The following GLP2R variants were observed in gnomAD, a reference collection of about 807,000 sequenced individuals.
GLP2R encodes the protein glucagon-like peptide 2 receptor.
GLP2R carries 59 observed loss-of-function variants against 68.2 expected under a neutral mutation model. The ratio of observed to expected loss-of-function variants is 0.87; its 90% CI spans 0.70 to 1.07. The LOEUF (loss-of-function observed/expected upper bound fraction) is 1.07, where lower values mean the gene tolerates loss of function less well. Among genes scored for constraint, GLP2R ranks in the 50% least tolerant of loss-of-function variants. GLP2R has a pLI of 0.00. For missense variants in GLP2R, 548 were observed against 677.4 expected, an observed-to-expected ratio of 0.81 and a Z score of 2.12; for synonymous variants, 270 against 265.4, an observed-to-expected ratio of 1.02 and a Z score of -0.17.
intron 11 of GLP2R, among the ~76,000 whole-genome samples, chr17:9,887,301 C>T (rs1030999690): frequency 2.6e-5 from 4 of 151,556 alleles, no homozygotes; most frequent in South Asian, 2.1e-4. Context: ...CCAAGGCAGG[C>T]GGGTCACCTG....
chr17:9,836,125 A>G (rs1020522021), intron 2 of GLP2R, among the ~76,000 whole-genome samples: 4 of 152,122 alleles, frequency 2.6e-5, no homozygotes, highest in Admixed American at 1.3e-4. Flanking sequence ...CATTGACGTA[A>G]TTGACCGGAG....
intron 10 of GLP2R, among the ~76,000 whole-genome samples, chr17:9,871,228 C>A (rs895212724): frequency 5.3e-5 from 8 of 151,656 alleles, no homozygotes; most frequent in African/African-American, 1.7e-4. Context: ...GTTAGCCAGG[C>A]GTGGTGCATG....
chr17:9,856,735 G>A (rs1174302502), intron 5 of GLP2R, among the ~76,000 whole-genome samples: 2 of 152,156 alleles, frequency 1.3e-5, no homozygotes, highest in Admixed American at 6.5e-5. Context: ...CCAACTCTGC[G>A]ACTTACTGCT....
intron 5 of GLP2R, among the ~76,000 whole-genome samples, chr17:9,856,847 A>G (rs1234980708): frequency 2.6e-5 from 4 of 152,230 alleles, no homozygotes; most frequent in African/African-American, 9.6e-5. Context: ...GTAAGGAGTA[A>G]GAATACTCAA....
rs758450885 is a variant in GLP2R at position 9,865,807 on chromosome 17, C to T, written c.1056+3717C>T. On this transcript the variant is annotated intron_variant, in intron 9 of 12. Coordinates refer to ENST00000262441, the MANE Select transcript of GLP2R (RefSeq NM_004246.3). Reference sequence around the variant, plus strand: ...CCCTCAGCTCTTAGAGAGGACATTGCTTAACTATTGTTGTCTGTGTCTACA... The same window carrying T: ...CCCTCAGCTCTTAGAGAGGACATTGTTTAACTATTGTTGTCTGTGTCTACA... 1.2e-4 allele frequency: 58 copies of T among 470,954 alleles called. No homozygotes were observed. The Admixed American group carries it at 1.3e-3, about 11-fold the overall frequency. The allele number at this position is 470,954 out of a possible 1,614,324, so 29.2% of individuals were successfully genotyped here.
chr17:9,879,281 TAAAATAAAATAAATAAAATA>T (rs1393478891), intron 10 of GLP2R, among the ~76,000 whole-genome samples: 10 of 26,210 alleles, frequency 3.8e-4, no homozygotes, highest in East Asian at 1.3e-3. Flanking sequence ...TAAAATAAAA[TAAAATAAAATAAATAAAATA>T]AAATAAAATA....
At chr17:9,863,951 A>G (rs1258215622) in intron 9 of GLP2R, among the ~76,000 whole-genome samples, 1 of 152,180 alleles carries the variant, frequency 6.6e-6, no homozygotes, top group East Asian at 1.9e-4. Context: ...GGTTCTTGCT[A>G]ACCAGGTAGA....
rs138236714 is a variant in GLP2R at position 9,888,605 on chromosome 17, T to G, written c.1326+632T>G. Among the ~76,000 whole-genome samples, 1,372 of 152,302 alleles carry G rather than the reference T, an allele frequency of 9.0e-3. 16 individuals carry two copies. The highest frequency in any genetic ancestry group is 0.031 in the African/African-American group (1,288 of 41,558). On this transcript the variant is annotated intron_variant, in intron 12 of 12. Coordinates refer to ENST00000262441, the MANE Select transcript of GLP2R (RefSeq NM_004246.3). ...CCTCAGCCTCCTGAGTAGCTGGGAT[T>G]ACAGGTGCCCACCACCACACTCAGC... is the stretch of plus-strand genomic sequence containing the variant.
At chr17:9,835,645 C>T (rs1227067799) in intron 2 of GLP2R, among the ~76,000 whole-genome samples, 1 of 152,064 alleles carries the variant, frequency 6.6e-6, no homozygotes. Flanking sequence ...GCCCTGGGAT[C>T]TAATTGGTGA....
At chr17:9,859,122 G>A (rs930986329) in intron 6 of GLP2R, among the ~76,000 whole-genome samples, 9 of 152,024 alleles carry the variant, frequency 5.9e-5, no homozygotes, top group African/African-American at 2.2e-4. Context: ...TATTATATAA[G>A]GTTTGGTATT....
In GLP2R at chr17:9,853,279, G is replaced by A. The variant is rs533599088; in HGVS notation, c.505-1216G>A. 19 of 275,476 alleles carry A rather than the reference G, an allele frequency of 6.9e-5. 1 individual carries two copies. Among genetic ancestry groups the A allele is most frequent in the Middle Eastern group, 2.8e-3 (2 of 704 alleles). The allele number at this position is 275,476 out of a possible 1,614,324, so 17.1% of individuals were successfully genotyped here. ...AAACATAGTTCTGGGGCCTCCGGGG[G>A]CTCATGTCCATCTCCATCGAGTCCT... On this transcript the variant is annotated intron_variant, in intron 4 of 12. Coordinates refer to ENST00000262441, the MANE Select transcript of GLP2R (RefSeq NM_004246.3).
intron 9 of GLP2R, among the ~76,000 whole-genome samples, chr17:9,867,446 G>T (rs1378076024): frequency 5.3e-5 from 8 of 152,238 alleles, no homozygotes; most frequent in African/African-American, 1.9e-4. Flanking sequence ...GCAACCTGAA[G>T]AATCCAGATG....
chr17:9,832,519 G>A lies in GLP2R; in HGVS notation c.190-1288G>A, dbSNP rs148511540. ...GGAGGTTGCAGTGAGCTGAGATAAC[G>A]CCACTGCACTCCAGCCTGGGTGACA... is the stretch of plus-strand genomic sequence containing the variant. On this transcript the variant is annotated intron_variant, in intron 1 of 12. Coordinates refer to ENST00000262441, the MANE Select transcript of GLP2R (RefSeq NM_004246.3). Among the ~76,000 whole-genome samples, 269 of 152,030 alleles carry A rather than the reference G, an allele frequency of 1.8e-3. 2 individuals carry two copies. The highest frequency in any genetic ancestry group is 4.9e-3 in the Admixed American group (75 of 15,276).
intron 3 of GLP2R, among the ~76,000 whole-genome samples, chr17:9,838,439 G>C (rs962084186): frequency 1.3e-5 from 2 of 152,112 alleles, no homozygotes; most frequent in African/African-American, 4.8e-5. Context: ...CAAGTCTAGA[G>C]GCCCCAAACA....
chr17:9,882,918 A>AACTATAT (rs2067209464), intron 11 of GLP2R, among the ~76,000 whole-genome samples: 3 of 151,224 alleles, frequency 2.0e-5, no homozygotes, highest in African/African-American at 7.4e-5. Flanking sequence ...ATAATATATT[A>AACTATAT]TCTAAAACTT....
chr17:9,886,931 C>T (rs957737221), intron 11 of GLP2R, among the ~76,000 whole-genome samples: 1 of 152,226 alleles, frequency 6.6e-6, no homozygotes, highest in Admixed American at 6.5e-5. Context: ...CCTGCACACA[C>T]ATCCAGTTCC....
chr17:9,874,225 A>G (rs2067124061), intron 10 of GLP2R, among the ~76,000 whole-genome samples: 2 of 152,224 alleles, frequency 1.3e-5, no homozygotes. Context: ...AAATCAAGAT[A>G]CTGGGGAGAC....
chr17:9,875,301 G>A (rs575949814), intron 10 of GLP2R, among the ~76,000 whole-genome samples: 6 of 152,220 alleles, frequency 3.9e-5, no homozygotes, highest in South Asian at 4.2e-4. Flanking sequence ...CTTCCATGTC[G>A]GAAAGTTGTT....
chr17:9,842,413 G>A, intron 3 of GLP2R, 82 bp from the exon 4 acceptor site: 2 of 1,552,958 alleles, frequency 1.3e-6, no homozygotes, highest in Non-Finnish European at 8.8e-7. Flanking sequence ...CTTCTCCCTG[G>A]GATTTTCCAC....
Sources: gnomAD v4.1 joint callset for allele counts (sites outside exome capture counted in the v4.1 genomes callset) on GRCh38, gnomAD v4.1.1 for gene constraint, MANE v1.5 for transcripts, NCBI Gene and HGNC (gene_info 2026-07-23, HGNC 2026-07-21) for gene names.